NR6A1: variants seen among roughly 807,000 people sequenced by gnomAD.
The protein encoded by NR6A1 is retinoic acid receptor-related testis-associated receptor.
NR6A1 carries 7 observed loss-of-function variants against 59.1 expected under a neutral mutation model. The observed-to-expected ratio is 0.12, with a 90% CI of 0.07 to 0.22. The LOEUF (loss-of-function observed/expected upper bound fraction) is 0.22. Ranked by LOEUF, NR6A1 falls within the 10% of genes least tolerant of loss-of-function variation. The pLI, the probability that NR6A1 is intolerant of heterozygous loss-of-function variation, is 1.00. For missense variants in NR6A1, 468 were observed against 611.6 expected, an observed-to-expected ratio of 0.77 and a Z score of 2.48; for synonymous variants, 243 against 236.1, an observed-to-expected ratio of 1.03 and a Z score of -0.27.
chr9:124,538,454 A>G (rs1228926360), intron 5 of NR6A1, 135 bp from the exon 6 acceptor site: 3 of 635,060 alleles, frequency 4.7e-6, no homozygotes, highest in Non-Finnish European at 8.2e-6. Context: ...GGGCATAATT[A>G]ATAGTTAAAT....
chr9:124,642,342 G>A (rs1037635246), intron 2 of NR6A1, among the ~76,000 whole-genome samples: 18 of 152,126 alleles, frequency 1.2e-4, no homozygotes, highest in Admixed American at 7.2e-4. Flanking sequence ...GAGGCACTGC[G>A]CCCAGAAACT....
At chr9:124,606,272 T>C (rs1235844854) in intron 2 of NR6A1, among the ~76,000 whole-genome samples, 1 of 152,216 alleles carries the variant, frequency 6.6e-6, no homozygotes, top group African/African-American at 2.4e-5. Flanking sequence ...TACTCTTCCC[T>C]GCCCTAAAGG....
chr9:124,563,181 A>G (rs536153725), intron 2 of NR6A1, among the ~76,000 whole-genome samples: 1 of 152,258 alleles, frequency 6.6e-6, no homozygotes, highest in Non-Finnish European at 1.5e-5. Context: ...AATGTTTTCC[A>G]AATTACAAGT....
chr9:124,521,508 G>A lies in NR6A1; in HGVS notation c.*1197C>T, dbSNP rs1437674370. ...TGGTCTCACTCTGGAGAGAAAAGGAGAACTTGGAGAAGAACTTAGGGGCAA... is the reference window on the plus strand; with the variant it reads ...TGGTCTCACTCTGGAGAGAAAAGGAAAACTTGGAGAAGAACTTAGGGGCAA... On this transcript the variant is annotated 3_prime_UTR_variant, in exon 10 of 10. Transcript: ENST00000487099. 6.6e-6 allele frequency: 1 copy of A among 152,398 alleles called. No individual in the cohort carries two copies. The highest frequency in any genetic ancestry group is 1.5e-5 in the Non-Finnish European group (1 of 68,178). 9.4% of individuals were successfully genotyped at this position (152,398 alleles called of 1,614,324 possible). A position where few individuals can be genotyped will look rare whatever the true frequency, so the allele number is the denominator to read the frequency against.
chr9:124,678,662 C>T (rs1838033752), intron 2 of NR6A1, among the ~76,000 whole-genome samples: 1 of 152,184 alleles, frequency 6.6e-6, no homozygotes, highest in Non-Finnish European at 1.5e-5. Context: ...CCCCTCACTT[C>T]CAAATCCTGG....
chr9:124,627,882 CTTTTT>C (rs59874800), intron 2 of NR6A1, among the ~76,000 whole-genome samples: 13 of 83,776 alleles, frequency 1.6e-4, no homozygotes, highest in Admixed American at 5.2e-4. Context: ...CTGAGATTTT[CTTTTT>C]TTTTTTTTTT....
At chr9:124,585,557 AAGGGG>A (rs1834899701) in intron 2 of NR6A1, among the ~76,000 whole-genome samples, 1 of 106,872 alleles carries the variant, frequency 9.4e-6, no homozygotes, top group East Asian at 3.2e-4. Flanking sequence ...AAAAAAAAAA[AAGGGG>A]GGGGGGGGCA....
chr9:124,640,634 A>C (rs1178012524), intron 2 of NR6A1, among the ~76,000 whole-genome samples: 1 of 151,992 alleles, frequency 6.6e-6, no homozygotes, highest in African/African-American at 2.4e-5. Context: ...TACTGGCCTC[A>C]AGCAATCCTG....
chr9:124,643,200 A>G (rs535141407), intron 2 of NR6A1, among the ~76,000 whole-genome samples: 40 of 152,164 alleles, frequency 2.6e-4, no homozygotes, highest in Middle Eastern at 3.4e-3. Flanking sequence ...AGTGGCTCAC[A>G]CCTGTAATAC....
At chr9:124,659,579 C>T (rs931119940) in intron 2 of NR6A1, among the ~76,000 whole-genome samples, 3 of 152,144 alleles carry the variant, frequency 2.0e-5, no homozygotes, top group African/African-American at 7.2e-5. Context: ...AGCTTCTCCC[C>T]CACCAACTCT....
At chr9:124,770,158 C>G (rs982424681) in intron 1 of NR6A1, 4 of 152,238 alleles carry the variant, frequency 2.6e-5, no homozygotes, top group African/African-American at 9.7e-5. Flanking sequence ...AGGTGGGGAC[C>G]GGGACCTGCC....
chr9:124,565,574 C>G (rs1473485680), intron 2 of NR6A1, among the ~76,000 whole-genome samples: 1 of 152,106 alleles, frequency 6.6e-6, no homozygotes, highest in East Asian at 1.9e-4. Context: ...AAGACACATG[C>G]AATACACTAC....
At chr9:124,630,380 C>T (rs2130879381) in intron 2 of NR6A1, among the ~76,000 whole-genome samples, 1 of 151,504 alleles carries the variant, frequency 6.6e-6, no homozygotes, top group African/African-American at 2.4e-5. Context: ...AGGCGCATGA[C>T]ACCACGCCTG....
At chr9:124,684,106 A>G (rs1472942323) in intron 2 of NR6A1, among the ~76,000 whole-genome samples, 3 of 152,216 alleles carry the variant, frequency 2.0e-5, no homozygotes, top group African/African-American at 7.2e-5. Context: ...CTACACAGAC[A>G]ACAGCAAGAA....
chr9:124,718,087 G>A (rs991174454), intron 2 of NR6A1, among the ~76,000 whole-genome samples: 2 of 152,180 alleles, frequency 1.3e-5, no homozygotes, highest in African/African-American at 4.8e-5. Flanking sequence ...CTGTTTCAAA[G>A]ATGAACAAAC....
chr9:124,754,604 A>T (rs944563298), intron 1 of NR6A1, among the ~76,000 whole-genome samples: 2 of 152,126 alleles, frequency 1.3e-5, no homozygotes, highest in African/African-American at 4.8e-5. Context: ...AAAGGAAAAA[A>T]ATGGTGGGGA....
intron 8 of NR6A1, among the ~76,000 whole-genome samples, 160 bp downstream of exon 8, chr9:124,526,619 A>G (rs754029366): frequency 4.0e-4 from 61 of 151,990 alleles, no homozygotes; most frequent in Non-Finnish European, 8.7e-4. Flanking sequence ...GGTCAGGGTG[A>G]TGACAAGGGG....
intron 1 of NR6A1, among the ~76,000 whole-genome samples, chr9:124,734,585 C>A (rs967330520): frequency 5.3e-5 from 8 of 152,014 alleles, no homozygotes; most frequent in African/African-American, 1.9e-4. Flanking sequence ...CCCAGCTAAT[C>A]GGGAGGCTGA....
intron 1 of NR6A1, among the ~76,000 whole-genome samples, chr9:124,764,834 A>C (rs774924778): frequency 1.3e-5 from 2 of 152,176 alleles, no homozygotes; most frequent in Non-Finnish European, 2.9e-5. Flanking sequence ...TATATCTTCA[A>C]ATCAAATGCC....
Sources: allele counts gnomAD v4.1 joint callset (sites outside exome capture counted in the v4.1 genomes callset), GRCh38; gene constraint gnomAD v4.1.1; transcripts MANE v1.5; gene names NCBI Gene and HGNC (gene_info 2026-07-23, HGNC 2026-07-21).